Variants in CHN2 observed in about 807,000 individuals in gnomAD.
CHN2 encodes the protein beta-chimaerin.
Under a neutral mutation model 56.3 loss-of-function variants are expected in CHN2, and 35 were observed. That is an observed-to-expected ratio of 0.62 (90% confidence interval 0.47 to 0.82). The LOEUF (loss-of-function observed/expected upper bound fraction) is 0.82, where lower values mean the gene tolerates loss of function less well. Among genes scored for constraint, CHN2 ranks in the 40% least tolerant of loss-of-function variants. The pLI is 0.00. For missense variants in CHN2, 491 were observed against 580.5 expected, an observed-to-expected ratio of 0.85 and a Z score of 1.58; for synonymous variants, 210 against 212.8, an observed-to-expected ratio of 0.99 and a Z score of 0.12.
At chr7:29,377,128 A>G (rs1248951224) in intron 3 of CHN2, among the ~76,000 whole-genome samples, 1 of 152,136 alleles carries the variant, frequency 6.6e-6, no homozygotes. Context: ...CCCAGTTTCA[A>G]GCCCCCTGCC....
chr7:29,506,184 C>T (rs958337393), intron 10 of CHN2, among the ~76,000 whole-genome samples: 16 of 152,026 alleles, frequency 1.1e-4, no homozygotes, highest in East Asian at 1.9e-4. Flanking sequence ...AGGCCAGGCA[C>T]GGTGGCTAGG....
chr7:29,332,054 G>T (rs1796264061), intron 1 of CHN2, among the ~76,000 whole-genome samples: 1 of 150,940 alleles, frequency 6.6e-6, no homozygotes, highest in African/African-American at 2.4e-5. Flanking sequence ...TTTGGGTGAA[G>T]ATTTGGCTTG....
At chr7:29,428,784 G>A (rs1805135263) in intron 6 of CHN2, among the ~76,000 whole-genome samples, 1 of 152,144 alleles carries the variant, frequency 6.6e-6, no homozygotes, top group South Asian at 2.1e-4. Flanking sequence ...TATTTTTAAT[G>A]TATTAATATT....
intron 1 of CHN2, among the ~76,000 whole-genome samples, chr7:29,204,067 CTGTGTGTGTGTGTGTGTGTGTGTGTGTG>C (rs55930139): frequency 7.8e-6 from 1 of 128,854 alleles, no homozygotes; most frequent in Non-Finnish European, 1.6e-5. Flanking sequence ...TTCTCTCTCT[CTGTGTGTGTGTGTGTGTGTGTGTGTGTG>C]TGTGTGTGTG....
chr7:29,217,789 C>A (rs554624684), intron 1 of CHN2, among the ~76,000 whole-genome samples: 1 of 152,210 alleles, frequency 6.6e-6, no homozygotes, highest in African/African-American at 2.4e-5. Context: ...TGATAATTTG[C>A]CATCTCAGCA....
chr7:29,157,864 T>C (rs557282165), intron 2 of CHN2, among the ~76,000 whole-genome samples: 89 of 152,340 alleles, frequency 5.8e-4, no homozygotes, highest in African/African-American at 2.1e-3. Context: ...ATGTAGATTA[T>C]TAGAAATGTC....
At chr7:29,179,646 A>G (rs1313925804) in intron 2 of CHN2, among the ~76,000 whole-genome samples, 1 of 152,254 alleles carries the variant, frequency 6.6e-6, no homozygotes, top group African/African-American at 2.4e-5. Context: ...ATGTAAATAA[A>G]TATTCTCCTT....
At chr7:29,331,708 G>C (rs1018448824) in intron 1 of CHN2, among the ~76,000 whole-genome samples, 1 of 152,168 alleles carries the variant, frequency 6.6e-6, no homozygotes, top group African/African-American at 2.4e-5. Flanking sequence ...TGGATTGACT[G>C]GGAGAGGGAA....
chr7:29,480,704 T>C (rs1787100593), intron 7 of CHN2, among the ~76,000 whole-genome samples: 1 of 152,252 alleles, frequency 6.6e-6, no homozygotes, highest in Non-Finnish European at 1.5e-5. Flanking sequence ...AGCAGTACTT[T>C]TCCACTCAGT....
intron 6 of CHN2, among the ~76,000 whole-genome samples, chr7:29,402,246 G>A (rs1802281884): frequency 6.6e-6 from 1 of 152,194 alleles, no homozygotes; most frequent in East Asian, 1.9e-4. Flanking sequence ...TGCTGATTGA[G>A]CTTCAGATCC....
At chr7:29,204,339 G>A (rs1784379825) in intron 1 of CHN2, among the ~76,000 whole-genome samples, 1 of 152,074 alleles carries the variant, frequency 6.6e-6, no homozygotes, top group Non-Finnish European at 1.5e-5. Context: ...ATTACTTTTA[G>A]TAATGAAATA....
chr7:29,307,806 C>T (rs767176231), intron 1 of CHN2, among the ~76,000 whole-genome samples: 3 of 152,146 alleles, frequency 2.0e-5, no homozygotes, highest in Non-Finnish European at 2.9e-5. Context: ...CCAATTGGGG[C>T]CATGTGGAAT....
intron 1 of CHN2, among the ~76,000 whole-genome samples, chr7:29,256,961 C>A (rs1289253082): frequency 6.6e-6 from 1 of 152,138 alleles, no homozygotes; most frequent in Non-Finnish European, 1.5e-5. Flanking sequence ...GGAGCCCAGG[C>A]CATCTGGGTA....
At position 29,178,334 on chromosome 7, in the gene CHN2, G is replaced by A. The variant is rs113291981; in HGVS notation, c.274+31374G>A. Among the ~76,000 whole-genome samples the A allele has an allele frequency of 6.9e-3, 1,050 of 152,174 alleles. 19 individuals carry two copies. Among genetic ancestry groups the A allele is most frequent in the African/African-American group, 0.024 (999 of 41,526 alleles). ...ACAGAAAGTCTCCACTATGACCCAC[G>A]TGGCTGCTAGGATCTGACATCTACT... On this transcript the variant is annotated intron_variant, in intron 2 of 6. Transcript: ENST00000439384.
In CHN2 at chr7:29,146,667, TTCCCATGCTG is replaced by T; in HGVS notation, c.85_94del (p.Ser29GlufsTer11). ...AAACCTGGCCGCATCAAGTCAGCGC[TTCCCATGCTG>T]GAAGAAGCAAGCAGCCCCAGGGTGG... On this transcript the variant is annotated frameshift_variant, in exon 1 of 7. Coordinates refer to the CHN2 transcript ENST00000439384. LOFTEE classifies it high-confidence loss of function. 6.4e-7 allele frequency: 1 copy of T among 1,550,562 alleles called. No individual in the cohort carries two copies.
intron 4 of CHN2, 28 bp from the exon 5 acceptor site, chr7:29,398,345 C>T: frequency 2.0e-6 from 3 of 1,513,968 alleles, no homozygotes; most frequent in Non-Finnish European, 2.7e-6. Context: ...GTGGTCTGTT[C>T]AGAGCATTGA....
At chr7:29,306,892 T>C (rs1209250426) in intron 1 of CHN2, among the ~76,000 whole-genome samples, 1 of 152,180 alleles carries the variant, frequency 6.6e-6, no homozygotes, top group Non-Finnish European at 1.5e-5. Context: ...CAATAATGAG[T>C]GTTTCCATCC....
intron 1 of CHN2, chr7:29,212,438 T>G: frequency 6.2e-7 from 1 of 1,606,992 alleles, no homozygotes. Context: ...CTGAGATGCC[T>G]CACACGGAGA....
intron 1 of CHN2, among the ~76,000 whole-genome samples, chr7:29,334,170 C>T (rs1374393374): frequency 6.6e-6 from 1 of 151,298 alleles, no homozygotes; most frequent in Non-Finnish European, 1.5e-5. Flanking sequence ...CCTGCCTCAG[C>T]CTCCTGAGTA....
Sources: allele counts gnomAD v4.1 joint callset (sites outside exome capture counted in the v4.1 genomes callset), GRCh38; gene constraint gnomAD v4.1.1; transcripts MANE v1.5; gene names NCBI Gene and HGNC (gene_info 2026-07-23, HGNC 2026-07-21).